PARD3: variants seen among roughly 807,000 people sequenced by gnomAD.
PARD3 encodes partitioning defective 3 homolog.
Under a neutral mutation model 155.4 loss-of-function variants are expected in PARD3, and 75 were observed. That is an observed-to-expected ratio of 0.48 (90% CI 0.40 to 0.58). PARD3 has a LOEUF of 0.58. Ranked by LOEUF, PARD3 falls within the 20% of genes least tolerant of loss-of-function variation. The pLI is 0.00. For missense variants in PARD3, 1,642 were observed against 1,721.7 expected (o/e 0.95, Z 0.82); for synonymous variants, 576 against 610.5 (o/e 0.94, Z 0.83).
chr10:34,303,047 C>A (rs1957225636), intron 20 of PARD3, among the ~76,000 whole-genome samples: 2 of 132,962 alleles, frequency 1.5e-5, no homozygotes. Context: ...AAAATCATCA[C>A]ACCTGCTCCA....
chr10:34,634,030 C>T (rs1463954663), intron 2 of PARD3, among the ~76,000 whole-genome samples: 1 of 152,132 alleles, frequency 6.6e-6, no homozygotes, highest in Non-Finnish European at 1.5e-5. Flanking sequence ...TGACCTGTCC[C>T]TTTCTTATTC....
intron 5 of PARD3, among the ~76,000 whole-genome samples, chr10:34,447,547 A>G (rs1327771912): frequency 6.8e-6 from 1 of 147,650 alleles, no homozygotes; most frequent in Non-Finnish European, 1.5e-5. Context: ...TCACACCTGC[A>G]ATCCCAGCAC....
rs144216591 is a variant in PARD3 at position 34,761,394 on chromosome 10, C to G, written c.120+53482G>C. ...CCACTGCACTCCAGCCTGGGTAACA[C>G]AGCGAGACTCTGTCAAAAAATAAAA... On this transcript the variant is annotated intron_variant, in intron 1 of 24. Transcript: ENST00000374788. Among the ~76,000 whole-genome samples the G allele has an allele frequency of 5.1e-3, 776 of 152,226 alleles. 7 individuals are homozygous for G. The highest frequency in any genetic ancestry group is 9.0e-3 in the Non-Finnish European group (609 of 68,012).
At chr10:34,548,755 A>G (rs1270467670) in intron 2 of PARD3, among the ~76,000 whole-genome samples, 1 of 151,948 alleles carries the variant, frequency 6.6e-6, no homozygotes, top group East Asian at 1.9e-4. Context: ...GGCCACCGAG[A>G]AGGCAGCCTT....
At chr10:34,487,704 G>A (rs906373581) in intron 3 of PARD3, among the ~76,000 whole-genome samples, 10 of 151,162 alleles carry the variant, frequency 6.6e-5, no homozygotes, top group Admixed American at 3.3e-4. Context: ...ACTCCCTTAT[G>A]AGAATATCTG....
chr10:34,751,325 A>T (rs1364615850), intron 1 of PARD3, among the ~76,000 whole-genome samples: 1 of 152,206 alleles, frequency 6.6e-6, no homozygotes, highest in Non-Finnish European at 1.5e-5. Flanking sequence ...CTCCATGCTT[A>T]TAAGACAGAG....
chr10:34,532,445 G>A (rs922611922), intron 2 of PARD3, among the ~76,000 whole-genome samples: 1 of 152,070 alleles, frequency 6.6e-6, no homozygotes, highest in African/African-American at 2.4e-5. Flanking sequence ...ATAAGGCTGG[G>A]CTCATCACGT....
chr10:34,412,986 G>A (rs1179912609), intron 5 of PARD3, among the ~76,000 whole-genome samples: 1 of 152,078 alleles, frequency 6.6e-6, no homozygotes, highest in Admixed American at 6.6e-5. Flanking sequence ...GATCAGAACT[G>A]TTTTACTCTT....
intron 22 of PARD3, among the ~76,000 whole-genome samples, chr10:34,201,209 G>A (rs747825740): frequency 6.6e-6 from 1 of 152,194 alleles, no homozygotes; most frequent in East Asian, 1.9e-4. Context: ...CCTTGGGGGA[G>A]CTCTGAGGAT....
intron 22 of PARD3, among the ~76,000 whole-genome samples, chr10:34,194,530 A>G (rs961868855): frequency 1.1e-4 from 16 of 152,200 alleles, no homozygotes; most frequent in African/African-American, 3.9e-4. Flanking sequence ...TTATGCATCA[A>G]CTGTGGTTTC....
At chr10:34,133,555 C>T (rs1186654229) in intron 22 of PARD3, among the ~76,000 whole-genome samples, 2 of 152,182 alleles carry the variant, frequency 1.3e-5, no homozygotes, top group Non-Finnish European at 1.5e-5. Context: ...CAAAGCTATT[C>T]GGAAGATCAG....
intron 22 of PARD3, among the ~76,000 whole-genome samples, chr10:34,251,463 C>A (rs1422720826): frequency 1.3e-5 from 2 of 152,086 alleles, no homozygotes; most frequent in African/African-American, 4.8e-5. Context: ...CACAAAAAAA[C>A]CCCAGTGAGG....
intron 3 of PARD3, among the ~76,000 whole-genome samples, chr10:34,475,717 A>G (rs879650596): frequency 6.6e-6 from 1 of 152,246 alleles, no homozygotes; most frequent in Non-Finnish European, 1.5e-5. Flanking sequence ...AATCAGAAAT[A>G]TCTTTATGTA....
chr10:34,453,421 A>G (rs547028297), intron 4 of PARD3, among the ~76,000 whole-genome samples: 1 of 152,218 alleles, frequency 6.6e-6, no homozygotes, highest in Non-Finnish European at 1.5e-5. Context: ...TGGGCAGATC[A>G]TCATTCACCT....
At chr10:34,672,446 T>C (rs2093626289) in intron 2 of PARD3, among the ~76,000 whole-genome samples, 1 of 152,230 alleles carries the variant, frequency 6.6e-6, no homozygotes, top group African/African-American at 2.4e-5. Context: ...GCTGTGATCA[T>C]GTAATCATGT....
intron 2 of PARD3, among the ~76,000 whole-genome samples, chr10:34,590,786 C>T (rs531096701): frequency 2.0e-5 from 3 of 152,298 alleles, no homozygotes; most frequent in African/African-American, 7.2e-5. Flanking sequence ...TCTTTTAGGA[C>T]TTCTATGGAA....
chr10:34,796,001 T>A (rs1796090421), intron 1 of PARD3, among the ~76,000 whole-genome samples: 1 of 152,330 alleles, frequency 6.6e-6, no homozygotes, highest in African/African-American at 2.4e-5. Flanking sequence ...TTTCATGATC[T>A]TACACTTCAA....
At chr10:34,183,903 C>T (rs751449844) in intron 22 of PARD3, among the ~76,000 whole-genome samples, 1 of 152,190 alleles carries the variant, frequency 6.6e-6, no homozygotes, top group East Asian at 1.9e-4. Context: ...TGGGGTTCCT[C>T]CAGTCATCGG....
intron 22 of PARD3, among the ~76,000 whole-genome samples, chr10:34,239,420 C>T (rs1237921949): frequency 6.6e-6 from 1 of 152,338 alleles, no homozygotes; most frequent in East Asian, 1.9e-4. Context: ...GAGGCAGACA[C>T]AGACTGAGAG....
Sources: gnomAD v4.1 joint callset for allele counts (sites outside exome capture counted in the v4.1 genomes callset) on GRCh38, gnomAD v4.1.1 for gene constraint, MANE v1.5 for transcripts, NCBI Gene and HGNC (gene_info 2026-07-23, HGNC 2026-07-21) for gene names.